OXTR: variants seen among roughly 807,000 people sequenced by gnomAD.
OXTR encodes the protein oxytocin receptor.
A neutral mutation model predicts 23.9 loss-of-function variants in OXTR; 19 were observed. The observed-to-expected ratio is 0.80, with a 90% CI of 0.56 to 1.17. The LOEUF is 1.17. OXTR is among the 50% of genes most tolerant of loss of function. OXTR has a pLI of 0.00. For missense variants in OXTR, 500 were observed against 550.7 expected (o/e 0.91, Z 0.92); for synonymous variants, 278 against 250.5 (o/e 1.11, Z -1.04).
In OXTR at chr3:8,752,674, A is replaced by G. The variant is rs1158187960; in HGVS notation, c.*303T>C. 3.0e-6 allele frequency: 1 copy of G among 329,970 alleles called. No individual in the cohort carries two copies. Among genetic ancestry groups the G allele is most frequent in the Non-Finnish European group, 5.6e-6 (1 of 179,238 alleles). 20.4% of individuals were successfully genotyped at this position (329,970 alleles called of 1,614,324 possible). A position where few individuals can be genotyped will look rare whatever the true frequency, so the allele number is the denominator to read the frequency against. On this transcript the variant is annotated 3_prime_UTR_variant, in exon 4 of 4. Transcript: ENST00000316793. ...TCACAATATCCCAGAATGAAGAAGTAAAAATATACTGGAGTGAAATTACAA... is the reference window on the plus strand; with the variant it reads ...TCACAATATCCCAGAATGAAGAAGTGAAAATATACTGGAGTGAAATTACAA...
intron 3 of OXTR, among the ~76,000 whole-genome samples, chr3:8,757,678 G>A (rs1390655189): frequency 1.3e-5 from 2 of 152,116 alleles, no homozygotes; most frequent in East Asian, 1.9e-4. Flanking sequence ...CCCCACGATC[G>A]AGTCCTGAGC....
At chr3:8,750,237 T>C (rs528491471), downstream of OXTR, among the ~76,000 whole-genome samples, 2 of 152,296 alleles carry the variant, frequency 1.3e-5, no homozygotes, top group South Asian at 4.1e-4. Flanking sequence ...TCACTGCTGT[T>C]ACTTTTTGCC....
chr3:8,745,541 G>A (rs1341523879), downstream of OXTR: 9 of 1,614,126 alleles, frequency 5.6e-6, no homozygotes, highest in East Asian at 2.2e-5. The surrounding 1 kb of genome is among the most constrained non-coding windows in gnomAD (Gnocchi z 4.8). Context: ...TTTTGAAGAC[G>A]TGATCGCAGA....
intron 3 of OXTR, among the ~76,000 whole-genome samples, chr3:8,762,527 GC>G (rs1708510825): frequency 6.6e-6 from 1 of 152,160 alleles, no homozygotes; most frequent in Non-Finnish European, 1.5e-5. Context: ...ACTCTTCATG[GC>G]CCAGAGTGAA....
intron 3 of OXTR, among the ~76,000 whole-genome samples, chr3:8,755,745 AT>A (rs1250845167): frequency 3.3e-5 from 5 of 152,310 alleles, no homozygotes; most frequent in African/African-American, 1.2e-4. Context: ...GCTGTTCTTA[AT>A]TTGTCAATAT....
Position 8,759,934 on chromosome 3 carries a change from GT to G in OXTR, c.923-6711del, listed in dbSNP as rs1559672013. 7.2e-5 allele frequency among the ~76,000 whole-genome samples: 11 copies of G among 152,270 alleles called. No homozygotes were observed. In the East Asian group the frequency reaches 2.1e-3, roughly 29 times the overall value. ...TACCTTAGACAAGACCCAGCCTAGGGTACCTCTAAACCAGAGCTAGAACCTT... is the reference window on the plus strand; with the variant it reads ...TACCTTAGACAAGACCCAGCCTAGGGACCTCTAAACCAGAGCTAGAACCTT... On this transcript the variant is annotated intron_variant, in intron 3 of 3. Transcript: ENST00000316793.
rs202002691 is a variant in OXTR, at chr3:8,752,792, G to C, written c.*185C>G. 2.1e-4 allele frequency: 133 copies of C among 623,616 alleles called. No individual in the cohort carries two copies. Among genetic ancestry groups the C allele is most frequent in the Non-Finnish European group, 3.3e-4 (121 of 362,976 alleles). 38.6% of individuals were successfully genotyped at this position (623,616 alleles called of 1,614,324 possible). A position where few individuals can be genotyped will look rare whatever the true frequency, so the allele number is the denominator to read the frequency against. ...GTAGGAGGCCAGGGTGTTGTCTGAT[G>C]GCTGAGTCCCCTATCATCTTCCATC... On this transcript the variant is annotated 3_prime_UTR_variant, in exon 4 of 4. Transcript: ENST00000316793.
At chr3:8,763,969 T>C (rs1708549463) in intron 3 of OXTR, among the ~76,000 whole-genome samples, 4 of 152,218 alleles carry the variant, frequency 2.6e-5, no homozygotes, top group Non-Finnish European at 2.9e-5. Flanking sequence ...CTATTTTATC[T>C]TGTTGAGGCA....
At chr3:8,745,981 T>A, downstream of OXTR, 1 of 781,562 alleles carries the variant, frequency 1.3e-6, no homozygotes, top group East Asian at 2.7e-5. The surrounding 1 kb of genome is among the most constrained non-coding windows in gnomAD (Gnocchi z 4.8). Flanking sequence ...GACTGCTCCA[T>A]ACCCCATGAT....
At chr3:8,741,767 G>C in the OXTR span, among the ~76,000 whole-genome samples, 1 of 152,084 alleles carries the variant, frequency 6.6e-6, no homozygotes, top group Non-Finnish European at 1.5e-5. Context: ...TCGACCCCGG[G>C]TGACTGTTGT....
At position 8,753,220 on chromosome 3, in the gene OXTR, C is replaced by T. The variant is rs749731547; in HGVS notation, c.927G>A (p.Ser309=). ...VWDANAPKEA[S]AFIIVMLLAS... ...CCAGGAGCATGACGATGATGAAGGC[C>T]GAGGCTGAGGGGGTGGGGGCAGGAG... The change falls in exon 4 of 4, where the codon TCG becomes TCA. Residue 309 remains serine (S), a synonymous_variant. Coordinates refer to ENST00000316793, the MANE Select transcript of OXTR (RefSeq NM_000916.4). 7 of 1,613,468 alleles carry T rather than the reference C, an allele frequency of 4.3e-6. No individual in the cohort carries two copies. The highest frequency in any genetic ancestry group is 3.4e-6 in the Non-Finnish European group (4 of 1,179,898).
downstream of OXTR, among the ~76,000 whole-genome samples, chr3:8,748,469 A>G (rs903899851): frequency 6.6e-6 from 1 of 152,196 alleles, no homozygotes; most frequent in African/African-American, 2.4e-5. Flanking sequence ...CAGCCCATGC[A>G]TCTGTGCCGT....
Position 8,768,375 on chromosome 3 carries a change from T to C in OXTR, c.-142-46A>G. On this transcript the variant is annotated intron_variant, in intron 2 of 3. Coordinates refer to ENST00000316793, the MANE Select transcript of OXTR (RefSeq NM_000916.4). This position sits in a 1 kb window ranked among gnomAD's most constrained non-coding sequence, Gnocchi z 5.4. ...CGTGAGGAGACCGCCGCGTTTCTCT[T>C]CCGACGCGGGTAGGGCGTGCTTGTC... 1 of 945,576 alleles carries C rather than the reference T, an allele frequency of 1.1e-6. No homozygotes were observed. Among genetic ancestry groups the C allele is most frequent in the Non-Finnish European group, 1.4e-6 (1 of 734,996 alleles). 58.6% of individuals were successfully genotyped at this position (945,576 alleles called of 1,614,324 possible). A position where few individuals can be genotyped will look rare whatever the true frequency, so the allele number is the denominator to read the frequency against.
intron 3 of OXTR, among the ~76,000 whole-genome samples, chr3:8,758,073 C>A: frequency 6.6e-6 from 1 of 152,104 alleles, no homozygotes; most frequent in South Asian, 2.1e-4. Flanking sequence ...GCAGAAACAG[C>A]CACACACCAA....
chr3:8,767,621 G>A lies in OXTR; in HGVS notation c.567C>T (p.Ala189=). 2 of 1,613,202 alleles carry A rather than the reference G, an allele frequency of 1.2e-6. No homozygotes were observed. The highest frequency in any genetic ancestry group is 1.7e-6 in the Non-Finnish European group (2 of 1,179,732). The change falls in exon 3 of 4, where the codon GCC becomes GCT. Residue 189 remains alanine (A), a synonymous_variant. Transcript: ENST00000316793. The part of the protein sequence containing the change: ...EVADGVFDCW[A]VFIQPWGPKA... The stretch of plus-strand genomic sequence containing the variant: ...TGGGTCCCCAGGGCTGGATGAAGAC[G>A]GCCCAGCAGTCGAAGACGCCGTCAG...
At chr3:8,745,488 C>T (rs1284084883), downstream of OXTR, 4 of 1,200,470 alleles carry the variant, frequency 3.3e-6, no homozygotes, top group South Asian at 1.2e-5. This position sits in a 1 kb window ranked among gnomAD's most constrained non-coding sequence, Gnocchi z 4.8. Context: ...AAGCGGGTGG[C>T]TTCTGTGAGT....
downstream of OXTR, chr3:8,746,307 G>A (rs535471483): frequency 6.0e-5 from 10 of 167,172 alleles, no homozygotes; most frequent in East Asian, 1.6e-3. Context: ...GTTCGTGCCT[G>A]TAAGATTGGT....
chr3:8,745,671 T>C (rs28936685), downstream of OXTR: 55 of 1,614,082 alleles, frequency 3.4e-5, no homozygotes, highest in Non-Finnish European at 3.9e-5. This position sits in a 1 kb window ranked among gnomAD's most constrained non-coding sequence, Gnocchi z 4.8. Flanking sequence ...CTGGCCCTGC[T>C]CTGGGGCTTC....
At chr3:8,757,757 C>G (rs1708402895) in intron 3 of OXTR, among the ~76,000 whole-genome samples, 2 of 152,124 alleles carry the variant, frequency 1.3e-5, no homozygotes, top group African/African-American at 4.8e-5. Flanking sequence ...GAGAGGCTGT[C>G]CACCCGGACT....
Sources: gnomAD v4.1 joint callset for allele counts (sites outside exome capture counted in the v4.1 genomes callset) on GRCh38, gnomAD v4.1.1 for gene constraint, Gnocchi (gnomAD v3.1) non-coding constraint, MANE v1.5 for transcripts, NCBI Gene and HGNC (gene_info 2026-07-23, HGNC 2026-07-21) for gene names.